The following PPFIA2 variants were observed in gnomAD, a reference collection of about 807,000 sequenced individuals.
The protein encoded by PPFIA2 is PPFI scaffold protein A2, also known as liprin-alpha-2.
Under a neutral mutation model 175.5 loss-of-function variants are expected in PPFIA2, and 46 were observed. The ratio of observed to expected loss-of-function variants is 0.26; its 90% confidence interval spans 0.21 to 0.34. The LOEUF (loss-of-function observed/expected upper bound fraction) is 0.34, where lower values mean the gene tolerates loss of function less well. PPFIA2 is among the 10% of genes least tolerant of loss of function. The pLI is 1.00. For missense variants in PPFIA2, 1,179 were observed against 1,506.1 expected, an observed-to-expected ratio of 0.78 and a Z score of 3.60; for synonymous variants, 568 against 511.4, an observed-to-expected ratio of 1.11 and a Z score of -1.49.
chr12:81,461,889 T>C (rs2054599076), intron 4 of PPFIA2, among the ~76,000 whole-genome samples: 1 of 152,098 alleles, frequency 6.6e-6, no homozygotes, highest in Non-Finnish European at 1.5e-5. Flanking sequence ...GTATTGTTTT[T>C]ATAACTGAAT....
At chr12:81,719,606 A>G (rs2079070059) in intron 3 of PPFIA2, among the ~76,000 whole-genome samples, 1 of 151,578 alleles carries the variant, frequency 6.6e-6, no homozygotes, top group African/African-American at 2.4e-5. Context: ...CATTTGGAGG[A>G]ATTAAAAAGT....
chr12:81,347,692 T>A lies in PPFIA2; in HGVS notation c.2073A>T (p.Glu691Asp), dbSNP rs1171476446. The change falls in exon 18 of 33, where the codon GAA (glutamate) becomes GAT (aspartate). Residue 691 changes from glutamate (E) to aspartate (D), a missense_variant. Coordinates refer to ENST00000549396, the MANE Select transcript of PPFIA2 (RefSeq NM_003625.5). ...IENRVASVSL[E>D]GLNLARVHPG... is the part of the protein sequence containing the mutation. ...GGTGGACCCTTGCCAAATTCAGGCC[T>A]TCGAGGCTCACACTAGCCACTCTAT... 1.2e-6 allele frequency: 2 copies of A among 1,613,780 alleles called. No homozygotes were observed. Among genetic ancestry groups the A allele is most frequent in the Non-Finnish European group, 1.7e-6 (2 of 1,179,838 alleles).
chr12:81,439,875 A>AT, intron 7 of PPFIA2, 97 bp downstream of exon 7: 1 of 1,012,276 alleles, frequency 9.9e-7, no homozygotes, highest in Non-Finnish European at 1.5e-6. Flanking sequence ...AATGTAATTT[A>AT]TTTTTTGTGA....
rs2038238178 is a variant in PPFIA2 at position 81,268,891 on chromosome 12, G to C, written c.3311-804C>G. Among the ~76,000 whole-genome samples the C allele has an allele frequency of 3.9e-5, 6 of 152,118 alleles. No homozygotes were observed. The South Asian group carries it at 1.2e-3, about 32-fold the overall frequency. ...TCACCTGAAGTAATATATAAGAACA[G>C]AACGGTAAAATAATATAAGGCATCA... On this transcript the variant is annotated intron_variant, in intron 28 of 32. Coordinates refer to ENST00000549396, the MANE Select transcript of PPFIA2 (RefSeq NM_003625.5).
At position 81,348,761 on chromosome 12, in the gene PPFIA2, C is replaced by T. The variant is rs147408780; in HGVS notation, c.1995-991G>A. On this transcript the variant is annotated intron_variant, in intron 17 of 32. Transcript: ENST00000549396. Reference sequence around the variant, plus strand: ...ATATAAATTATTTATTACAAAGGCACAAATAGGAAAGAGCTTTAGCTAGGT... The same window carrying T: ...ATATAAATTATTTATTACAAAGGCATAAATAGGAAAGAGCTTTAGCTAGGT... 6.9e-3 allele frequency among the ~76,000 whole-genome samples: 1,053 copies of T among 152,126 alleles called. 5 individuals carry two copies. The highest frequency in any genetic ancestry group is 0.02 in the Middle Eastern group (6 of 294).
At chr12:81,503,572 T>A (rs1013943976) in intron 4 of PPFIA2, among the ~76,000 whole-genome samples, 2 of 151,906 alleles carry the variant, frequency 1.3e-5, no homozygotes, top group Admixed American at 6.6e-5. Flanking sequence ...AAAAGTTTCA[T>A]TCCATGAGGA....
At chr12:81,394,936 TATG>T (rs1355341940) in intron 8 of PPFIA2, among the ~76,000 whole-genome samples, 4 of 152,072 alleles carry the variant, frequency 2.6e-5, no homozygotes, top group Non-Finnish European at 4.4e-5. Flanking sequence ...TACCAGTTAC[TATG>T]ATAAGCATCA....
In PPFIA2 at chr12:81,451,239, C is replaced by A. The variant is rs576386473; in HGVS notation, c.406-5519G>T. Among the ~76,000 whole-genome samples, 5 of 152,090 alleles carry A rather than the reference C, an allele frequency of 3.3e-5. No individual in the cohort carries two copies. The South Asian group carries it at 1.0e-3, about 32-fold the overall frequency. On this transcript the variant is annotated intron_variant, in intron 5 of 32. Coordinates refer to ENST00000549396, the MANE Select transcript of PPFIA2 (RefSeq NM_003625.5). ...TTCTGTACCCTGTTACCATCTTTTACCCATTAATTATCCCCATTTTCTACC... is the reference window on the plus strand; with the variant it reads ...TTCTGTACCCTGTTACCATCTTTTAACCATTAATTATCCCCATTTTCTACC...
At chr12:81,437,687 T>G (rs1205545183) in intron 7 of PPFIA2, among the ~76,000 whole-genome samples, 1 of 152,174 alleles carries the variant, frequency 6.6e-6, no homozygotes, top group East Asian at 1.9e-4. Flanking sequence ...AATAAAATAT[T>G]TTGAGAAATG....
At chr12:81,308,387 T>C (rs1310928937) in intron 22 of PPFIA2, among the ~76,000 whole-genome samples, 3 of 152,204 alleles carry the variant, frequency 2.0e-5, no homozygotes, top group Admixed American at 1.3e-4. Context: ...TGACACACAT[T>C]TGCAGATGAG....
chr12:81,462,396 T>C (rs886694811), intron 4 of PPFIA2, among the ~76,000 whole-genome samples: 2 of 147,148 alleles, frequency 1.4e-5, no homozygotes, highest in African/African-American at 4.9e-5. Flanking sequence ...AACACACTTC[T>C]ACAGATTCCT....
intron 7 of PPFIA2, among the ~76,000 whole-genome samples, chr12:81,424,489 CA>C (rs1314519256): frequency 6.6e-6 from 1 of 152,116 alleles, no homozygotes; most frequent in Non-Finnish European, 1.5e-5. Flanking sequence ...TTTACATATA[CA>C]TTTTTATATT....
intron 7 of PPFIA2, among the ~76,000 whole-genome samples, chr12:81,423,233 A>T (rs2046604773): frequency 6.6e-6 from 1 of 152,196 alleles, no homozygotes; most frequent in Non-Finnish European, 1.5e-5. Context: ...CTTCCAAAAA[A>T]TAGAAGAAGC....
At chr12:81,307,774 C>T (rs7968936) in intron 22 of PPFIA2, among the ~76,000 whole-genome samples, 21,263 of 152,156 alleles carry the variant, frequency 0.14, 1,719 homozygotes, top group Middle Eastern at 0.21. Context: ...TACACAAAGA[C>T]GCTTCACAAT....
chr12:81,594,098 T>A (rs2058987613), intron 4 of PPFIA2, among the ~76,000 whole-genome samples: 1 of 152,130 alleles, frequency 6.6e-6, no homozygotes, highest in South Asian at 2.1e-4. Flanking sequence ...ATGTTGCACC[T>A]GCCTTACAGA....
chr12:81,691,669 T>A (rs2075262332), intron 3 of PPFIA2, among the ~76,000 whole-genome samples: 1 of 152,078 alleles, frequency 6.6e-6, no homozygotes, highest in Non-Finnish European at 1.5e-5. Flanking sequence ...CAGATTGCAT[T>A]TGCCAAGTGT....
chr12:81,740,457 G>A (rs1218301867), intron 3 of PPFIA2, among the ~76,000 whole-genome samples: 1 of 152,144 alleles, frequency 6.6e-6, no homozygotes, highest in Non-Finnish European at 1.5e-5. Flanking sequence ...GCAAAGGTGT[G>A]TGATCTACTT....
chr12:81,562,087 T>A (rs746219120), intron 4 of PPFIA2, among the ~76,000 whole-genome samples: 2 of 152,222 alleles, frequency 1.3e-5, no homozygotes, highest in African/African-American at 4.8e-5. Flanking sequence ...AGTTTTGTTG[T>A]CTCTTAAAAA....
intron 16 of PPFIA2, among the ~76,000 whole-genome samples, chr12:81,357,793 T>C (rs2061066334): frequency 6.6e-6 from 1 of 152,022 alleles, no homozygotes; most frequent in African/African-American, 2.4e-5. Flanking sequence ...CTGTGCAATG[T>C]TGAACATTTA....
Sources: allele counts gnomAD v4.1 joint callset (sites outside exome capture counted in the v4.1 genomes callset), GRCh38; gene constraint gnomAD v4.1.1; transcripts MANE v1.5; gene names NCBI Gene and HGNC (gene_info 2026-07-23, HGNC 2026-07-21).